The following NSD2 variants were observed in gnomAD, a reference collection of about 807,000 sequenced individuals.
The protein encoded by NSD2 is histone-lysine N-methyltransferase NSD2.
NSD2 carries 12 observed loss-of-function variants against 139.0 expected under a neutral mutation model. The observed-to-expected ratio is 0.09, with a 90% confidence interval of 0.06 to 0.14. The LOEUF (loss-of-function observed/expected upper bound fraction) is 0.14. NSD2 is among the 10% of genes least tolerant of loss of function. The pLI is 1.00. For synonymous variants in NSD2, 669 were observed against 648.7 expected (o/e 1.03, Z -0.48); for missense variants, 1,155 against 1,745.0 (o/e 0.66, Z 6.02).
chr4:1,890,379 A>G (rs1299147889), intron 1 of NSD2, among the ~76,000 whole-genome samples: 13 of 151,804 alleles, frequency 8.6e-5, no homozygotes, highest in Admixed American at 7.9e-4. Flanking sequence ...GCTCACTGCA[A>G]GCTCCGCCTC....
chr4:1,904,873 G>T (rs1717675638), intron 3 of NSD2, among the ~76,000 whole-genome samples: 1 of 152,216 alleles, frequency 6.6e-6, no homozygotes, highest in Admixed American at 6.5e-5. Context: ...GCTCACGCCT[G>T]TAATCCCAAC....
At chr4:1,927,360 T>G (rs1721051474) in intron 5 of NSD2, among the ~76,000 whole-genome samples, 1 of 152,028 alleles carries the variant, frequency 6.6e-6, no homozygotes, top group Non-Finnish European at 1.5e-5. Context: ...TTGGGGGTCG[T>G]CTTGGAGGGT....
chr4:1,888,323 G>A (rs1715269963), intron 1 of NSD2, among the ~76,000 whole-genome samples: 1 of 137,530 alleles, frequency 7.3e-6, no homozygotes, highest in African/African-American at 2.7e-5. Flanking sequence ...GAAGCAGGGA[G>A]AATTGCCTGA....
At chr4:1,919,812 T>C (rs1719884042) in intron 5 of NSD2, among the ~76,000 whole-genome samples, 1 of 152,070 alleles carries the variant, frequency 6.6e-6, no homozygotes, top group Non-Finnish European at 1.5e-5. Flanking sequence ...GACGCGTGCT[T>C]GTAATCCCAG....
chr4:1,975,243 G>T (rs748174236), intron 19 of NSD2, 51 bp from the exon 20 acceptor site: 9 of 1,573,412 alleles, frequency 5.7e-6, no homozygotes, highest in Non-Finnish European at 7.9e-6. Flanking sequence ...CTTAGCTTTT[G>T]AAGAGAAAGG....
Position 1,955,285 on chromosome 4 carries a change from G to A in NSD2, c.2463G>A (p.Lys821=), listed in dbSNP as rs142409548. Residue 821 remains lysine, a synonymous_variant, in exon 13 of 22, where the codon AAG becomes AAA. Coordinates refer to ENST00000508803, the MANE Select transcript of NSD2 (RefSeq NM_001042424.3). This position sits in a 1 kb window ranked among gnomAD's most constrained non-coding sequence, Gnocchi z 4.7. ...IICTAHFTAR[K]GKRHHAHVNV... is the part of the protein sequence containing the mutation. ...GCACTGCCCACTTCACTGCTCGGAA[G>A]GGGAAGCGACACCACGCCCACGTCA... 1.0e-4 allele frequency: 166 copies of A among 1,614,098 alleles called. 1 individual carries two copies. The African/African-American group carries it at 2.0e-3, about 19-fold the overall frequency.
rs150925238 is a variant in NSD2 at position 1,877,335 on chromosome 4, A to T, written c.-30+5793A>T. Reference sequence around the variant, plus strand: ...TGTCTTTCTAAAATACAGATGTCCTATGTGTCCCCAGTCTTCAGGGGGTGA... The same window carrying T: ...TGTCTTTCTAAAATACAGATGTCCTTTGTGTCCCCAGTCTTCAGGGGGTGA... On this transcript the variant is annotated intron_variant, in intron 1 of 21. Coordinates refer to ENST00000508803, the MANE Select transcript of NSD2 (RefSeq NM_001042424.3). 4.1e-4 allele frequency among the ~76,000 whole-genome samples: 62 copies of T among 152,182 alleles called. No individual in the cohort carries two copies. In the East Asian group the frequency reaches 0.011, roughly 28 times the overall value.
At chr4:1,871,905 GC>G (rs1044655484) in intron 1 of NSD2, among the ~76,000 whole-genome samples, 1 of 147,470 alleles carries the variant, frequency 6.8e-6, no homozygotes, top group Non-Finnish European at 1.5e-5. Context: ...GTTGGGCCCG[GC>G]CGGGCCCTGC....
chr4:1,872,479 A>G (rs1043143705), intron 1 of NSD2, among the ~76,000 whole-genome samples: 1 of 152,118 alleles, frequency 6.6e-6, no homozygotes, highest in Non-Finnish European at 1.5e-5. Flanking sequence ...TTCTGTGCCC[A>G]CGATGGGCTT....
At chr4:1,977,235 C>T (rs373375888) in intron 21 of NSD2, among the ~76,000 whole-genome samples, 3 of 152,358 alleles carry the variant, frequency 2.0e-5, no homozygotes, top group Admixed American at 2.0e-4. Flanking sequence ...GTAGAGTGGG[C>T]TCCACCTTCC....
Position 1,978,921 on chromosome 4 carries a change from C to T in NSD2, c.*12C>T, listed in dbSNP as rs776521258. The T allele has an allele frequency of 1.3e-5, 19 of 1,487,094 alleles. No individual in the cohort carries two copies. Among genetic ancestry groups the T allele is most frequent in the African/African-American group, 2.8e-5 (2 of 71,118 alleles). The allele number at this position is 1,487,094 out of a possible 1,614,324, so 92.1% of individuals were successfully genotyped here. ...CAGAGGGCAAATAGCGCCAGGCGGC[C>T]GCTTGGCCGGATCCAGGGGCGGTGC... On this transcript the variant is annotated 3_prime_UTR_variant, in exon 22 of 22. Transcript: ENST00000508803.
chr4:1,881,719 C>T (rs1426122635), intron 1 of NSD2, among the ~76,000 whole-genome samples: 1 of 152,206 alleles, frequency 6.6e-6, no homozygotes, highest in Non-Finnish European at 1.5e-5. Context: ...ATTCTCTCCA[C>T]ATTTATATGT....
chr4:1,941,516 G>T, intron 9 of NSD2: 2 of 1,043,872 alleles, frequency 1.9e-6, no homozygotes, highest in Non-Finnish European at 2.3e-6. Flanking sequence ...ACCTTGAGAA[G>T]ACATAGATGA....
Position 1,900,725 on chromosome 4 carries a change from C to T in NSD2, c.71C>T (p.Ala24Val), listed in dbSNP as rs1717042414. 1 of 1,613,824 alleles carries T rather than the reference C, an allele frequency of 6.2e-7. No individual in the cohort carries two copies. Among genetic ancestry groups the T allele is most frequent in the East Asian group, 2.2e-5 (1 of 44,882 alleles). Residue 24 changes from alanine to valine, a missense_variant, in exon 2 of 22, where the codon GCA (alanine) becomes GTA (valine). Around this residue, in one of 8 missense-constraint regions of NSD2, gnomAD observed 246 missense variants for 262.8 expected, o/e 0.94. Transcript: ENST00000508803. ...GTAAAGTGCATAAAGATGAAGCAGG[C>T]ACCAGAAATCCTCGGCAGTGCCAAC... is the stretch of plus-strand genomic sequence containing the variant. ...SVVKCIKMKQ[A>V]PEILGSANGK... is the part of the protein sequence containing the mutation.
At chr4:1,965,296 G>A (rs1021986014) in intron 18 of NSD2, among the ~76,000 whole-genome samples, 17 of 151,960 alleles carry the variant, frequency 1.1e-4, no homozygotes, top group Non-Finnish European at 4.4e-5. Context: ...CCTATAAAGA[G>A]AAACAAACAA....
At chr4:1,936,052 A>G (rs538996096) in intron 7 of NSD2, among the ~76,000 whole-genome samples, 1 of 152,350 alleles carries the variant, frequency 6.6e-6, no homozygotes, top group East Asian at 1.9e-4. Flanking sequence ...GTTATTGTTT[A>G]CTGAATGGGA....
intron 3 of NSD2, among the ~76,000 whole-genome samples, chr4:1,905,755 G>A (rs1717809921): frequency 6.6e-6 from 1 of 152,206 alleles, no homozygotes; most frequent in Non-Finnish European, 1.5e-5. Flanking sequence ...AGTTGTGGCA[G>A]AAGAGCCTAT....
chr4:1,942,239 G>T lies in NSD2; in HGVS notation c.1881+2461G>T. The T allele has an allele frequency of 6.5e-7, 1 of 1,547,810 alleles. No individual in the cohort carries two copies. ...TAAAATTACACACTTGCATGACAAAGGCCTGTGAAGGAATTAATGTGATTT... is the reference window on the plus strand; with the variant it reads ...TAAAATTACACACTTGCATGACAAATGCCTGTGAAGGAATTAATGTGATTT... On this transcript the variant is annotated intron_variant, in intron 9 of 21. Coordinates refer to ENST00000508803, the MANE Select transcript of NSD2 (RefSeq NM_001042424.3). The surrounding 1 kb of genome is among the most constrained non-coding windows in gnomAD (Gnocchi z 4.0).
At chr4:1,919,582 T>G (rs1175076272) in intron 5 of NSD2, among the ~76,000 whole-genome samples, 2 of 152,162 alleles carry the variant, frequency 1.3e-5, no homozygotes, top group Non-Finnish European at 2.9e-5. Context: ...TTAATTTTAC[T>G]TCCATAGGAA....
Sources: gnomAD v4.1 joint callset for allele counts (sites outside exome capture counted in the v4.1 genomes callset) on GRCh38, gnomAD v4.1.1 for gene constraint, gnomAD v4.1.1 regional missense constraint, Gnocchi (gnomAD v3.1) non-coding constraint, MANE v1.5 for transcripts, NCBI Gene and HGNC (gene_info 2026-07-23, HGNC 2026-07-21) for gene names.